The following SPNS2 variants were observed in gnomAD, a reference collection of about 807,000 sequenced individuals.
SPNS2 encodes SPNS lysolipid transporter 2, sphingosine-1-phosphate.
In SPNS2, 37 loss-of-function variants were observed where a neutral mutation model predicts 57.6. The observed-to-expected ratio is 0.64, with a 90% CI of 0.49 to 0.85. SPNS2 has a LOEUF of 0.85. Among genes scored for constraint, SPNS2 ranks in the 40% least tolerant of loss-of-function variants. SPNS2 has a pLI of 0.00. For synonymous variants in SPNS2, 440 were observed against 346.9 expected, an observed-to-expected ratio of 1.27 and a Z score of -2.98; for missense variants, 831 against 779.1, an observed-to-expected ratio of 1.07 and a Z score of -0.79.
chr17:4,528,627 C>T lies in SPNS2; in HGVS notation c.574-2005C>T, dbSNP rs141291496. ...GCGTAGCTGCGATTATAGGCGACTG[C>T]CACCATGCCCAGCTAATTTTTGTAT... On this transcript the variant is annotated intron_variant, in intron 3 of 12. Coordinates refer to ENST00000329078, the MANE Select transcript of SPNS2 (RefSeq NM_001124758.3). 6.2e-3 allele frequency among the ~76,000 whole-genome samples: 937 copies of T among 152,234 alleles called. 7 individuals carry two copies. Among genetic ancestry groups the T allele is most frequent in the African/African-American group, 0.021 (862 of 41,534 alleles).
Position 4,533,403 on chromosome 17 carries a change from G to C in SPNS2, c.1249G>C (p.Ala417Pro), listed in dbSNP as rs149615209. The C allele has an allele frequency of 7.5e-6, 12 of 1,607,896 alleles. No individual in the cohort carries two copies. The African/African-American group carries it at 1.3e-4, about 18-fold the overall frequency. ...SAIFICLIFV[A>P]AKSSIVGAYI... ...CATCTTCATCTGCCTGATCTTCGTG[G>C]CTGCCAAGAGCAGCATCGTAGGAGC... Residue 417 changes from alanine to proline, a missense_variant, in exon 8 of 13, where the codon GCT becomes CCT. Ala to Pro is a conservative substitution (Grantham distance 27). Around this residue, in one of 2 missense-constraint regions of SPNS2, gnomAD observed 526 missense variants for 400.9 expected, o/e 1.31. Transcript: ENST00000329078.
rs755092279 is a variant in SPNS2 at position 4,536,927 on chromosome 17, A to AAAAG, written c.1635_1636insAAAG (p.Ser546LysfsTer170). Reference sequence around the variant, plus strand: ...TGAACCAGCTGGCGATGCCGCCCGCATCTGTGAAAGTCTGAGGTGGTGAGT... The same window carrying AAAAG: ...TGAACCAGCTGGCGATGCCGCCCGCAAAAGTCTGTGAAAGTCTGAGGTGGTGAGT... On this transcript the variant is annotated frameshift_variant, in exon 12 of 13. Transcript: ENST00000329078. LOFTEE classifies it high-confidence loss of function. The AAAAG allele has an allele frequency of 1.9e-6, 3 of 1,613,574 alleles. No individual in the cohort carries two copies. The highest frequency in any genetic ancestry group is 1.7e-5 in the Admixed American group (1 of 59,968).
intron 2 of SPNS2, among the ~76,000 whole-genome samples, chr17:4,517,383 C>T (rs535151278): frequency 4.7e-4 from 72 of 152,304 alleles, no homozygotes; most frequent in African/African-American, 1.3e-3. Context: ...GCAGGCCAGG[C>T]GCGGTGGCTC....
At chr17:4,531,497 C>T (rs2144363155) in intron 5 of SPNS2, among the ~76,000 whole-genome samples, 1 of 152,274 alleles carries the variant, frequency 6.6e-6, no homozygotes, top group Non-Finnish European at 1.5e-5. Flanking sequence ...GACAAGACCT[C>T]TGTGTGGGGG....
At chr17:4,506,216 A>C (rs1645851430) in intron 1 of SPNS2, among the ~76,000 whole-genome samples, 1 of 152,170 alleles carries the variant, frequency 6.6e-6, no homozygotes. Context: ...GGCGGGGAGC[A>C]GCAGTCCCTG....
At chr17:4,517,085 T>C (rs528238551) in intron 2 of SPNS2, among the ~76,000 whole-genome samples, 1 of 152,294 alleles carries the variant, frequency 6.6e-6, no homozygotes, top group Non-Finnish European at 1.5e-5. Flanking sequence ...TTTGTTTCCA[T>C]CCAAGCTTCC....
chr17:4,533,400 G>T lies in SPNS2; in HGVS notation c.1246G>T (p.Val416Leu). Residue 416 changes from valine to leucine, a missense_variant, in exon 8 of 13, where the codon GTG becomes TTG. Transcript: ENST00000329078. ...GSAIFICLIF[V>L]AAKSSIVGAY... is the part of the protein sequence containing the mutation. The stretch of plus-strand genomic sequence containing the variant: ...TGCCATCTTCATCTGCCTGATCTTC[G>T]TGGCTGCCAAGAGCAGCATCGTAGG... The T allele has an allele frequency of 6.2e-7, 1 of 1,608,680 alleles. No homozygotes were observed. The highest frequency in any genetic ancestry group is 8.5e-7 in the Non-Finnish European group (1 of 1,178,008).
intron 3 of SPNS2, 97 bp from the exon 4 acceptor site, chr17:4,530,535 C>T (rs1343040871): frequency 6.9e-7 from 1 of 1,441,750 alleles, no homozygotes; most frequent in East Asian, 2.3e-5. Context: ...TCCCCTGGCT[C>T]CTGGGCCCTG....
At chr17:4,509,196 C>T (rs939311963) in intron 1 of SPNS2, among the ~76,000 whole-genome samples, 33 of 152,212 alleles carry the variant, frequency 2.2e-4, no homozygotes, top group African/African-American at 7.9e-4. Flanking sequence ...GGGATGAGAG[C>T]GTCCAGGGGT....
At chr17:4,522,270 A>G (rs1189243346) in intron 2 of SPNS2, among the ~76,000 whole-genome samples, 2 of 152,342 alleles carry the variant, frequency 1.3e-5, no homozygotes, top group Middle Eastern at 3.4e-3. Flanking sequence ...AGTTAAACAT[A>G]TATCAGCACA....
intron 3 of SPNS2, among the ~76,000 whole-genome samples, chr17:4,528,771 C>A (rs1905340263): frequency 6.6e-6 from 1 of 152,028 alleles, no homozygotes; most frequent in Non-Finnish European, 1.5e-5. Context: ...GCCCACCATG[C>A]CCAGCCTTAA....
intron 1 of SPNS2, among the ~76,000 whole-genome samples, chr17:4,509,163 A>G (rs1904763234): frequency 6.6e-6 from 1 of 152,172 alleles, no homozygotes; most frequent in Admixed American, 6.5e-5. Context: ...GAGCTGAGGA[A>G]TCAGTCAGGA....
intron 1 of SPNS2, among the ~76,000 whole-genome samples, chr17:4,500,680 C>T (rs1413209761): frequency 6.7e-6 from 1 of 150,202 alleles, no homozygotes; most frequent in Non-Finnish European, 1.5e-5. Flanking sequence ...GGGAAGAGAG[C>T]CCGGGCATAA....
chr17:4,536,739 C>T (rs1037946909), intron 11 of SPNS2, 161 bp from the exon 12 acceptor site: 2 of 676,358 alleles, frequency 3.0e-6, no homozygotes, highest in African/African-American at 3.6e-5. Context: ...CTCTCTCTCT[C>T]CTCTCCCCAC....
intron 1 of SPNS2, among the ~76,000 whole-genome samples, chr17:4,507,665 C>G (rs1904718011): frequency 1.3e-5 from 2 of 152,240 alleles, no homozygotes; most frequent in South Asian, 2.1e-4. Flanking sequence ...AGAGCCCATG[C>G]TCTTGAGAAT....
chr17:4,516,338 A>G (rs4998478), intron 2 of SPNS2, among the ~76,000 whole-genome samples: 5 of 124,284 alleles, frequency 4.0e-5, no homozygotes, highest in Non-Finnish European at 6.5e-5. Flanking sequence ...AAAAAAAAAA[A>G]AAAAACAAAA....
intron 1 of SPNS2, among the ~76,000 whole-genome samples, chr17:4,506,884 G>T (rs927659422): frequency 6.6e-6 from 1 of 152,194 alleles, no homozygotes; most frequent in Non-Finnish European, 1.5e-5. Context: ...ACCCAGCAGG[G>T]ATGTCTTGGG....
chr17:4,518,216 G>A (rs537190376), intron 2 of SPNS2, among the ~76,000 whole-genome samples: 5 of 152,328 alleles, frequency 3.3e-5, no homozygotes, highest in Admixed American at 3.3e-4. Flanking sequence ...TTTGGAACAG[G>A]GCAGTCCGTG....
chr17:4,538,709 A>G lies in SPNS2; in HGVS notation c.*1261A>G. On this transcript the variant is annotated 3_prime_UTR_variant, in exon 13 of 13. Coordinates refer to ENST00000329078, the MANE Select transcript of SPNS2 (RefSeq NM_001124758.3). ...TTGGACAATGCTCTTCTTGCCCCTT[A>G]GTTACTGGCTGGCTGTGGCTTCAGT... is the stretch of plus-strand genomic sequence containing the variant. The G allele has an allele frequency of 1.6e-6, 1 of 619,828 alleles. No homozygotes were observed. Among genetic ancestry groups the G allele is most frequent in the Non-Finnish European group, 2.9e-6 (1 of 348,394 alleles). The allele number at this position is 619,828 out of a possible 1,614,324, so 38.4% of individuals were successfully genotyped here. A position where few individuals can be genotyped will look rare whatever the true frequency, so the allele number is the denominator to read the frequency against.
Sources: allele counts gnomAD v4.1 joint callset (sites outside exome capture counted in the v4.1 genomes callset), GRCh38; gene constraint gnomAD v4.1.1; regional missense constraint gnomAD v4.1.1; transcripts MANE v1.5; gene names NCBI Gene and HGNC (gene_info 2026-07-23, HGNC 2026-07-21).